CNIH3: variants seen among roughly 807,000 people sequenced by gnomAD.
CNIH3 encodes the protein protein cornichon homolog 3.
A neutral mutation model predicts 24.1 loss-of-function variants in CNIH3; 14 were observed. The observed-to-expected ratio is 0.58, with a 90% CI of 0.38 to 0.91. CNIH3 has a LOEUF of 0.91. Among genes scored for constraint, CNIH3 ranks in the 40% least tolerant of loss-of-function variants. The pLI is 0.00. For missense variants in CNIH3, 178 were observed against 196.8 expected (o/e 0.90, Z 0.57); for synonymous variants, 68 against 73.8 (o/e 0.92, Z 0.40).
chr1:224,502,975 G>A (rs1677741854), intron 1 of CNIH3, among the ~76,000 whole-genome samples: 1 of 151,584 alleles, frequency 6.6e-6, no homozygotes, highest in South Asian at 2.1e-4. Context: ...GGGAGGAGGA[G>A]GAGGGAAGAA....
At chr1:224,462,295 G>C (rs140956412) in intron 1 of CNIH3, among the ~76,000 whole-genome samples, 2 of 152,250 alleles carry the variant, frequency 1.3e-5, no homozygotes, top group East Asian at 3.9e-4. Flanking sequence ...TCGTAGTGTT[G>C]TACAGAGTAG....
At chr1:224,546,968 T>A in intron 3 of CNIH3, 8 of 931,972 alleles carry the variant, frequency 8.6e-6, no homozygotes, top group Non-Finnish European at 1.0e-5. Context: ...ACTCAACCAC[T>A]GAATTAGGAC....
In CNIH3 at chr1:224,616,902, C is replaced by T; in HGVS notation, c.-273C>T. 7.7e-7 allele frequency: 1 copy of T among 1,298,522 alleles called. No individual in the cohort carries two copies. The highest frequency in any genetic ancestry group is 2.4e-5 in the South Asian group (1 of 41,796). 80.4% of individuals were successfully genotyped at this position (1,298,522 alleles called of 1,614,324 possible). On this transcript the variant is annotated 5_prime_UTR_variant, in exon 1 of 6. Transcript: ENST00000272133. ...CAGGTGTTCGCTGCTGATTTGGTTT[C>T]TTCTTCGATTTGCGGACGGTTCCCT... is the stretch of plus-strand genomic sequence containing the variant.
intron 3 of CNIH3, among the ~76,000 whole-genome samples, chr1:224,716,130 C>T (rs1034073678): frequency 1.3e-5 from 2 of 152,140 alleles, no homozygotes; most frequent in Admixed American, 1.3e-4. Context: ...AATATGACTC[C>T]ATCACATTCT....
intron 3 of CNIH3, among the ~76,000 whole-genome samples, chr1:224,716,912 C>G (rs561203645): frequency 2.6e-5 from 4 of 152,340 alleles, no homozygotes; most frequent in African/African-American, 7.2e-5. Context: ...ACACCCACTT[C>G]TGCCACTGGA....
In CNIH3 at chr1:224,545,409, A is replaced by G. The variant is rs552621862; in HGVS notation, n.340-1420A>G. Among the ~76,000 whole-genome samples, 9 of 152,296 alleles carry G rather than the reference A, an allele frequency of 5.9e-5. No individual in the cohort carries two copies. In the East Asian group the frequency reaches 1.7e-3, roughly 29 times the overall value. On this transcript the variant is annotated intron_variant and non_coding_transcript_variant, in intron 2 of 5. Coordinates refer to the CNIH3 transcript ENST00000471578. ...CTTGGAGTGAGAAATGAGCTTTTAG[A>G]TGAGTTCTCATCATCTTTAAAAATA...
At chr1:224,673,043 T>C (rs1423667313) in intron 1 of CNIH3, among the ~76,000 whole-genome samples, 1 of 152,234 alleles carries the variant, frequency 6.6e-6, no homozygotes, top group Non-Finnish European at 1.5e-5. Flanking sequence ...ATATTGCCCC[T>C]GAACATTGAG....
intron 3 of CNIH3, among the ~76,000 whole-genome samples, chr1:224,727,048 C>T (rs1225250455): frequency 6.6e-6 from 1 of 152,154 alleles, no homozygotes; most frequent in Non-Finnish European, 1.5e-5. Context: ...TGACTGCCCA[C>T]ACAAATGAAT....
At chr1:224,606,974 A>T (rs1363076118) in intron 3 of CNIH3, among the ~76,000 whole-genome samples, 1 of 152,180 alleles carries the variant, frequency 6.6e-6, no homozygotes, top group Admixed American at 6.5e-5. Flanking sequence ...TCAAAGTTAG[A>T]TTTAAGTTAT....
chr1:224,471,668 G>A (rs1001668373), intron 1 of CNIH3, among the ~76,000 whole-genome samples: 7 of 150,004 alleles, frequency 4.7e-5, no homozygotes, highest in African/African-American at 1.2e-4. Context: ...TCGGCTCACC[G>A]CAACCTACGC....
intron 1 of CNIH3, among the ~76,000 whole-genome samples, chr1:224,658,296 G>C (rs1685191929): frequency 6.6e-6 from 1 of 152,116 alleles, no homozygotes. Flanking sequence ...CTCTCAAGTA[G>C]CTGGGACTAC....
At chr1:224,598,804 T>C (rs1197256816) in intron 3 of CNIH3, among the ~76,000 whole-genome samples, 1 of 152,238 alleles carries the variant, frequency 6.6e-6, no homozygotes, top group Non-Finnish European at 1.5e-5. Flanking sequence ...GACTGAATAC[T>C]ATTGCACATT....
intron 4 of CNIH3, among the ~76,000 whole-genome samples, chr1:224,567,878 G>A (rs1680645016): frequency 1.3e-5 from 2 of 152,216 alleles, no homozygotes; most frequent in Non-Finnish European, 2.9e-5. Flanking sequence ...GAGTAGGGGA[G>A]CCTTGTTAGT....
chr1:224,687,017 G>A (rs1224492472), intron 3 of CNIH3, among the ~76,000 whole-genome samples: 1 of 152,164 alleles, frequency 6.6e-6, no homozygotes, highest in Admixed American at 6.5e-5. Flanking sequence ...CAGCTTCTGG[G>A]AGGTCAAATG....
At chr1:224,536,529 G>A (rs1192102669) in intron 2 of CNIH3, among the ~76,000 whole-genome samples, 1 of 152,078 alleles carries the variant, frequency 6.6e-6, no homozygotes, top group Non-Finnish European at 1.5e-5. Flanking sequence ...GACCTCAGGT[G>A]ATCTGCCCAC....
At chr1:224,721,691 C>T (rs1688729828) in intron 3 of CNIH3, among the ~76,000 whole-genome samples, 1 of 152,044 alleles carries the variant, frequency 6.6e-6, no homozygotes, top group South Asian at 2.1e-4. Flanking sequence ...AAGGTTTGGT[C>T]CTAAAAGGAA....
intron 1 of CNIH3, among the ~76,000 whole-genome samples, chr1:224,490,487 A>T: frequency 6.6e-6 from 1 of 152,158 alleles, no homozygotes; most frequent in East Asian, 1.9e-4. Context: ...GTGTTTTCAC[A>T]GTTTTTCTTT....
At chr1:224,716,388 TCTTA>T (rs1234137820) in intron 3 of CNIH3, among the ~76,000 whole-genome samples, 1 of 152,188 alleles carries the variant, frequency 6.6e-6, no homozygotes, top group Non-Finnish European at 1.5e-5. Context: ...AAGGATGGTG[TCTTA>T]CTTCTGTATA....
chr1:224,685,401 T>C (rs1192997890), intron 3 of CNIH3, among the ~76,000 whole-genome samples: 1 of 152,206 alleles, frequency 6.6e-6, no homozygotes, highest in African/African-American at 2.4e-5. Context: ...CCCAGACTCA[T>C]TCAGGAAGCG....
Sources: allele counts gnomAD v4.1 joint callset (sites outside exome capture counted in the v4.1 genomes callset), GRCh38; gene constraint gnomAD v4.1.1; transcripts MANE v1.5; gene names NCBI Gene and HGNC (gene_info 2026-07-23, HGNC 2026-07-21).